IPO11: variants seen among roughly 807,000 people sequenced by gnomAD.
IPO11 encodes importin 11.
IPO11 carries 66 observed loss-of-function variants against 143.2 expected under a neutral mutation model. That is an observed-to-expected ratio of 0.46 (90% CI 0.38 to 0.57). The LOEUF (loss-of-function observed/expected upper bound fraction) is 0.57. Ranked by LOEUF, IPO11 falls within the 20% of genes least tolerant of loss-of-function variation. The probability of loss-of-function intolerance (pLI) is 0.00; values close to 1 mark genes in which losing one functional copy is unlikely to be tolerated. For synonymous variants in IPO11, 385 were observed against 377.8 expected (o/e 1.02, Z -0.22); for missense variants, 1,026 against 1,141.0 (o/e 0.90, Z 1.45).
intron 7 of IPO11, among the ~76,000 whole-genome samples, chr5:62,473,022 C>T (rs1745836227): frequency 6.6e-6 from 1 of 152,092 alleles, no homozygotes; most frequent in African/African-American, 2.4e-5. Flanking sequence ...CTTATGGGAT[C>T]TTGGTGACCT....
chr5:62,537,019 T>C (rs1370696928), intron 23 of IPO11, among the ~76,000 whole-genome samples, 190 bp from the exon 24 acceptor site: 2 of 152,112 alleles, frequency 1.3e-5, no homozygotes, highest in African/African-American at 4.8e-5. Flanking sequence ...AATCAGTGTA[T>C]CAATAATCTA....
intron 16 of IPO11, among the ~76,000 whole-genome samples, chr5:62,494,874 C>G (rs1333069631): frequency 6.6e-6 from 1 of 151,540 alleles, no homozygotes. Flanking sequence ...CTGAGTTGTG[C>G]TAAGATCTTT....
At chr5:62,467,604 TC>T (rs750074654) in intron 6 of IPO11, among the ~76,000 whole-genome samples, 11 of 152,356 alleles carry the variant, frequency 7.2e-5, no homozygotes, top group Non-Finnish European at 2.9e-5. Context: ...ATGCCAACTT[TC>T]CTAAAATTTT....
chr5:62,437,524 G>A (rs997408536), intron 2 of IPO11, 107 bp downstream of exon 2: 38 of 862,284 alleles, frequency 4.4e-5, no homozygotes, highest in Admixed American at 9.6e-5. Flanking sequence ...AGATTCAGAT[G>A]TTTGGCTGCT....
intron 16 of IPO11, among the ~76,000 whole-genome samples, chr5:62,502,378 C>T (rs546013087): frequency 1.0e-3 from 158 of 152,348 alleles, no homozygotes; most frequent in African/African-American, 3.6e-3. Flanking sequence ...GCTTGAGTTG[C>T]TGCCAAATTC....
intron 8 of IPO11, among the ~76,000 whole-genome samples, chr5:62,476,477 T>C (rs1745960703): frequency 6.6e-6 from 1 of 152,228 alleles, no homozygotes; most frequent in Admixed American, 6.5e-5. Flanking sequence ...GTTCAGTTCA[T>C]ATATTAGGGT....
At chr5:62,484,572 G>C (rs998857631) in intron 11 of IPO11, among the ~76,000 whole-genome samples, 20 of 144,762 alleles carry the variant, frequency 1.4e-4, no homozygotes, top group African/African-American at 4.9e-4. Context: ...TTTTTGGACA[G>C]GACATCTTTA....
chr5:62,491,886 G>C (rs1160234663), intron 15 of IPO11, among the ~76,000 whole-genome samples: 1 of 151,916 alleles, frequency 6.6e-6, no homozygotes, highest in Non-Finnish European at 1.5e-5. Context: ...TAGCCAGGAT[G>C]ATCTCGATCT....
chr5:62,487,753 G>GT lies in IPO11; in HGVS notation c.1219-17dup. On this transcript the variant is annotated splice_polypyrimidine_tract_variant and intron_variant, in intron 12 of 29. Transcript: ENST00000325324. ...ATGCAACTGTTTTGATGAGAAATTT[G>GT]TATTTTTCCCTCTCCAGCCATGCAC... The GT allele has an allele frequency of 2.0e-6, 3 of 1,535,278 alleles. No individual in the cohort carries two copies. The South Asian group carries it at 4.0e-5, about 20-fold the overall frequency.
At chr5:62,593,430 C>T (rs966602027) in intron 28 of IPO11, among the ~76,000 whole-genome samples, 2 of 152,084 alleles carry the variant, frequency 1.3e-5, no homozygotes, top group Non-Finnish European at 2.9e-5. Flanking sequence ...AGGCAAATTG[C>T]TTGAGGTCTG....
intron 27 of IPO11, among the ~76,000 whole-genome samples, chr5:62,585,745 T>C (rs2112416095): frequency 6.6e-6 from 1 of 152,250 alleles, no homozygotes; most frequent in Middle Eastern, 3.4e-3. Flanking sequence ...TAGGCAGTAG[T>C]TTAAACTCAA....
At chr5:62,464,937 T>G (rs908565089) in intron 5 of IPO11, among the ~76,000 whole-genome samples, 9 of 152,216 alleles carry the variant, frequency 5.9e-5, no homozygotes, top group African/African-American at 2.2e-4. Flanking sequence ...AAATGTCGTT[T>G]TGTTGTAAGC....
At chr5:62,508,455 T>C (rs1741633724) in intron 19 of IPO11, among the ~76,000 whole-genome samples, 1 of 152,080 alleles carries the variant, frequency 6.6e-6, no homozygotes, top group Non-Finnish European at 1.5e-5. Flanking sequence ...GCCAGAATTA[T>C]CTTTTTGATA....
At chr5:62,582,312 GAA>G (rs1744598126) in intron 27 of IPO11, among the ~76,000 whole-genome samples, 1 of 152,192 alleles carries the variant, frequency 6.6e-6, no homozygotes, top group Non-Finnish European at 1.5e-5. Flanking sequence ...GAGGTACTTT[GAA>G]AGTAAAATGA....
chr5:62,567,498 T>TTATTA lies in IPO11; in HGVS notation c.2582+6242_2582+6243insATTAT, dbSNP rs1561365961. ...TATTATTATTATTATTATTATTATT[T>TTATTA]TTTTTACTATTTCTACCCTTTTTTC... On this transcript the variant is annotated intron_variant, in intron 27 of 29. Transcript: ENST00000325324. Among the ~76,000 whole-genome samples the TTATTA allele has an allele frequency of 3.1e-4, 46 of 146,236 alleles. 1 individual carries two copies. The highest frequency in any genetic ancestry group is 1.1e-3 in the African/African-American group (44 of 40,350).
intron 24 of IPO11, among the ~76,000 whole-genome samples, chr5:62,541,155 T>A (rs561366079): frequency 6.6e-6 from 1 of 152,154 alleles, no homozygotes; most frequent in Admixed American, 6.5e-5. Context: ...GCGGATCACC[T>A]GAGGTTGGGA....
At chr5:62,482,808 G>A (rs984569183) in intron 9 of IPO11, among the ~76,000 whole-genome samples, 6 of 152,022 alleles carry the variant, frequency 3.9e-5, no homozygotes, top group African/African-American at 9.7e-5. Context: ...ATATTTAAGC[G>A]TTTTGTATCA....
At chr5:62,428,684 A>G (rs10057981) in intron 1 of IPO11, among the ~76,000 whole-genome samples, 46 of 151,988 alleles carry the variant, frequency 3.0e-4, no homozygotes, top group Middle Eastern at 3.4e-3. Context: ...TTTTTTTTAG[A>G]GACAGGGTCT....
At chr5:62,482,950 T>C in intron 9 of IPO11, 151 bp from the exon 10 acceptor site, 1 of 561,480 alleles carries the variant, frequency 1.8e-6, no homozygotes, top group Non-Finnish European at 3.1e-6. Context: ...TCAAGAAGAG[T>C]TATGATAATG....
Sources: allele counts gnomAD v4.1 joint callset (sites outside exome capture counted in the v4.1 genomes callset), GRCh38; gene constraint gnomAD v4.1.1; transcripts MANE v1.5; gene names NCBI Gene and HGNC (gene_info 2026-07-23, HGNC 2026-07-21).